Variants in ZNF407 observed in about 807,000 individuals in gnomAD.
ZNF407 encodes the protein zinc finger protein 407.
A neutral mutation model predicts 131.2 loss-of-function variants in ZNF407; 17 were observed. The ratio of observed to expected loss-of-function variants is 0.13; its 90% CI spans 0.09 to 0.19. ZNF407 has a LOEUF of 0.19. Ranked by LOEUF, ZNF407 falls within the 10% of genes least tolerant of loss-of-function variation. ZNF407 has a pLI of 1.00. For synonymous variants in ZNF407, 1,156 were observed against 1,062.0 expected (o/e 1.09, Z -1.72); for missense variants, 2,681 against 2,830.6 (o/e 0.95, Z 1.20).
At chr18:74,746,737 C>T (rs1415203252) in intron 3 of ZNF407, among the ~76,000 whole-genome samples, 15 of 151,496 alleles carry the variant, frequency 9.9e-5, no homozygotes, top group African/African-American at 3.6e-4. Context: ...ACAATTCCTT[C>T]TTCTGGAAGG....
At chr18:75,042,570 T>G (rs1973386365) in intron 8 of ZNF407, among the ~76,000 whole-genome samples, 1 of 152,220 alleles carries the variant, frequency 6.6e-6, no homozygotes, top group African/African-American at 2.4e-5. Flanking sequence ...TTATATGGAG[T>G]GCATTTACTT....
At chr18:74,719,735 TA>T (rs1967983293) in intron 3 of ZNF407, among the ~76,000 whole-genome samples, 1 of 152,234 alleles carries the variant, frequency 6.6e-6, no homozygotes, top group Non-Finnish European at 1.5e-5. Context: ...CATCTTTTTT[TA>T]GCGTCCACAT....
chr18:75,060,416 C>T (rs2122288631), intron 8 of ZNF407: 1 of 152,280 alleles, frequency 6.6e-6, no homozygotes, highest in East Asian at 1.9e-4. Context: ...GCGAGGTTTC[C>T]GTGGACGCAG....
chr18:74,704,244 C>T (rs1157964163), intron 3 of ZNF407, among the ~76,000 whole-genome samples: 1 of 152,212 alleles, frequency 6.6e-6, no homozygotes, highest in Non-Finnish European at 1.5e-5. Context: ...TGGGCTTCCA[C>T]ACATTTTCAG....
At chr18:74,672,595 T>C (rs1787203) in intron 3 of ZNF407, among the ~76,000 whole-genome samples, 2 of 144,120 alleles carry the variant, frequency 1.4e-5, no homozygotes, top group African/African-American at 5.7e-5. Flanking sequence ...TTTGTCTGTT[T>C]GTTGGAGCAC....
At chr18:74,851,868 G>T (rs112753943) in intron 4 of ZNF407, among the ~76,000 whole-genome samples, 182 of 152,278 alleles carry the variant, frequency 1.2e-3, no homozygotes, top group African/African-American at 4.3e-3. Context: ...GGCTTGTACA[G>T]GTTGTCAAAA....
chr18:74,807,412 A>ATTCATGGGAAGGTT (rs1970127087), intron 4 of ZNF407, among the ~76,000 whole-genome samples: 1 of 152,138 alleles, frequency 6.6e-6, no homozygotes, highest in Non-Finnish European at 1.5e-5. Context: ...GTGCATGGAT[A>ATTCATGGGAAGGTT]TTCATGGGAA....
intron 3 of ZNF407, among the ~76,000 whole-genome samples, chr18:74,698,465 T>TATATGTTCTGGTTA (rs1308735324): frequency 6.6e-6 from 1 of 152,192 alleles, no homozygotes; most frequent in African/African-American, 2.4e-5. Context: ...TTATATGTAT[T>TATATGTTCTGGTTA]ATGTGTGTAT....
At chr18:74,884,631 A>G (rs1319336241) in intron 6 of ZNF407, among the ~76,000 whole-genome samples, 2 of 152,182 alleles carry the variant, frequency 1.3e-5, no homozygotes, top group African/African-American at 4.8e-5. Flanking sequence ...TGAAAGAACC[A>G]TTTATAATTT....
At chr18:74,879,718 T>G (rs1218170516) in intron 5 of ZNF407, among the ~76,000 whole-genome samples, 1 of 152,216 alleles carries the variant, frequency 6.6e-6, no homozygotes, top group Non-Finnish European at 1.5e-5. Context: ...TCAGCCTTAT[T>G]TTTAAAATGA....
intron 3 of ZNF407, among the ~76,000 whole-genome samples, chr18:74,650,104 A>G (rs1209425411): frequency 6.6e-6 from 1 of 152,208 alleles, no homozygotes; most frequent in East Asian, 1.9e-4. Flanking sequence ...AATCAGCTGG[A>G]TTGTCAAAAA....
intron 7 of ZNF407, among the ~76,000 whole-genome samples, chr18:74,914,163 C>T (rs1199219568): frequency 1.3e-5 from 2 of 152,170 alleles, no homozygotes; most frequent in African/African-American, 4.8e-5. Flanking sequence ...TGAAGCTTGG[C>T]GCTGGGGAAT....
chr18:74,642,493 A>G (rs1984769335), intron 3 of ZNF407, among the ~76,000 whole-genome samples: 1 of 152,138 alleles, frequency 6.6e-6, no homozygotes. Flanking sequence ...GTAAGTAAAC[A>G]ATTTTTGCAT....
At chr18:74,783,630 T>C (rs1206401853) in intron 4 of ZNF407, among the ~76,000 whole-genome samples, 1 of 152,064 alleles carries the variant, frequency 6.6e-6, no homozygotes, top group Non-Finnish European at 1.5e-5. Flanking sequence ...CTGTCCTGAA[T>C]ACATAAAGGG....
At chr18:74,651,569 T>A (rs1368807209) in intron 3 of ZNF407, among the ~76,000 whole-genome samples, 1 of 152,178 alleles carries the variant, frequency 6.6e-6, no homozygotes, top group Non-Finnish European at 1.5e-5. Flanking sequence ...CGACAGAGAA[T>A]ATTTGGCAGT....
intron 7 of ZNF407, chr18:74,898,063 G>T (rs1568260496): frequency 6.6e-6 from 1 of 152,168 alleles, no homozygotes. Context: ...GGAGCCTGTA[G>T]AAAAAATGTG....
intron 4 of ZNF407, among the ~76,000 whole-genome samples, chr18:74,852,755 C>G (rs1020130275): frequency 6.6e-6 from 1 of 152,060 alleles, no homozygotes; most frequent in Non-Finnish European, 1.5e-5. Context: ...GAAGGCTGTT[C>G]TGAAAAATGA....
chr18:74,803,472 A>G (rs1177839197), intron 4 of ZNF407, among the ~76,000 whole-genome samples: 2 of 152,222 alleles, frequency 1.3e-5, no homozygotes, highest in South Asian at 2.1e-4. Flanking sequence ...ATTTTTCTCT[A>G]TAAAGTACTG....
In ZNF407 at chr18:74,635,290, A is replaced by G; in HGVS notation, c.4271A>G (p.Asp1424Gly). ...IRCDDCGFLA[D>G]GLSGLNVHIA... ...TGTGATGATTGTGGCTTCTTAGCAG[A>G]TGGACTGAGTGGACTGAATGTTCAC... The change falls in exon 2 of 9, where the codon GAT (aspartate) becomes GGT (glycine). Residue 1424 changes from aspartate (D) to glycine (G), a missense_variant. This residue lies in a region of ZNF407 where 1,789 missense variants were observed against 1,748.7 expected (regional missense o/e 1.02). Transcript: ENST00000299687. The surrounding 1 kb of genome is among the most constrained non-coding windows in gnomAD (Gnocchi z 4.7). 6.2e-7 allele frequency: 1 copy of G among 1,614,066 alleles called. No individual in the cohort carries two copies. The highest frequency in any genetic ancestry group is 8.5e-7 in the Non-Finnish European group (1 of 1,179,906).
Sources: allele counts gnomAD v4.1 joint callset (sites outside exome capture counted in the v4.1 genomes callset), GRCh38; gene constraint gnomAD v4.1.1; regional missense constraint gnomAD v4.1.1; non-coding constraint Gnocchi (gnomAD v3.1); transcripts MANE v1.5; gene names NCBI Gene and HGNC (gene_info 2026-07-23, HGNC 2026-07-21).